RPS6KA2: variants seen among roughly 807,000 people sequenced by gnomAD.
The protein encoded by RPS6KA2 is ribosomal protein S6 kinase alpha-2.
RPS6KA2 carries 42 observed loss-of-function variants against 91.8 expected under a neutral mutation model. The observed-to-expected ratio is 0.46, with a 90% CI of 0.36 to 0.59. The LOEUF (loss-of-function observed/expected upper bound fraction) is 0.59, where lower values mean the gene tolerates loss of function less well. RPS6KA2 is among the 20% of genes least tolerant of loss of function. The pLI is 0.00. For missense variants in RPS6KA2, 798 were observed against 978.5 expected, an observed-to-expected ratio of 0.82 and a Z score of 2.46; for synonymous variants, 414 against 393.6, an observed-to-expected ratio of 1.05 and a Z score of -0.61.
intron 2 of RPS6KA2, among the ~76,000 whole-genome samples, chr6:166,647,604 C>G (rs1057448155): frequency 6.6e-6 from 1 of 152,238 alleles, no homozygotes; most frequent in Non-Finnish European, 1.5e-5. Flanking sequence ...CGCTCCCTAA[C>G]AGGAACTCTT....
intron 2 of RPS6KA2, among the ~76,000 whole-genome samples, chr6:166,736,303 C>A (rs961150632): frequency 2.6e-5 from 4 of 152,222 alleles, no homozygotes; most frequent in African/African-American, 9.6e-5. Flanking sequence ...AAGCAGTGAT[C>A]TCCACTGAGA....
chr6:166,677,067 T>C (rs545970650), intron 2 of RPS6KA2, among the ~76,000 whole-genome samples: 1 of 152,310 alleles, frequency 6.6e-6, no homozygotes, highest in South Asian at 2.1e-4. Context: ...TTCTACCAAA[T>C]TTAGGTGAAT....
intron 1 of RPS6KA2, among the ~76,000 whole-genome samples, chr6:166,542,120 A>G (rs1010356280): frequency 6.6e-6 from 1 of 152,160 alleles, no homozygotes; most frequent in African/African-American, 2.4e-5. Context: ...TGTTCCATGG[A>G]CTCGGCGCGC....
chr6:166,451,364 TGGC>T, intron 12 of RPS6KA2, 131 bp from the exon 13 acceptor site: 3 of 864,868 alleles, frequency 3.5e-6, no homozygotes, highest in South Asian at 1.7e-5. Context: ...TGTGTGCACG[TGGC>T]GTATGCCTGT....
Position 166,448,799 on chromosome 6 carries a change from C to T in RPS6KA2, c.1257G>A (p.Glu419=). The T allele has an allele frequency of 6.2e-7, 1 of 1,613,926 alleles. No individual in the cohort carries two copies. The highest frequency in any genetic ancestry group is 1.3e-5 in the African/African-American group (1 of 74,966). The change falls in exon 14 of 21, where the codon GAG becomes GAA. Residue 419 remains glutamate (E), a synonymous_variant. Coordinates refer to ENST00000265678, the MANE Select transcript of RPS6KA2 (RefSeq NM_021135.6). This position sits in a 1 kb window ranked among gnomAD's most constrained non-coding sequence, Gnocchi z 4.7. ...CTGAGTAGGAGCCCACCCCGATGTC[C>T]TCCTTGATCTCGTAGCCATCGGTGA... ...IHFTDGYEIK[E]DIGVGSYSVC...
intron 14 of RPS6KA2, among the ~76,000 whole-genome samples, chr6:166,444,100 G>C (rs1372811442): frequency 6.6e-6 from 1 of 152,078 alleles, no homozygotes; most frequent in Non-Finnish European, 1.5e-5. Flanking sequence ...ATTATGTTAA[G>C]CAACAAAGTC....
rs1406081301 is a variant in RPS6KA2 at position 166,726,898 on chromosome 6, G to T, written c.123+131302C>A. ...CCAGGCCTGGAATCTACCGTCCTGG[G>T]TGCTGTCTCCTCCACCACGTAAGCC... On this transcript the variant is annotated intron_variant, in intron 2 of 21. Transcript: ENST00000503859. This position sits in a 1 kb window ranked among gnomAD's most constrained non-coding sequence, Gnocchi z 4.4. 6.6e-6 allele frequency among the ~76,000 whole-genome samples: 1 copy of T among 152,162 alleles called. No individual in the cohort carries two copies. Among genetic ancestry groups the T allele is most frequent in the African/African-American group, 2.4e-5 (1 of 41,426 alleles).
intron 1 of RPS6KA2, among the ~76,000 whole-genome samples, chr6:166,859,572 A>T (rs1780996670): frequency 6.6e-6 from 1 of 152,200 alleles, no homozygotes; most frequent in Admixed American, 6.5e-5. Context: ...TTTATGGGTT[A>T]ATTATATATC....
chr6:166,709,014 G>A (rs1789771473), intron 2 of RPS6KA2, among the ~76,000 whole-genome samples: 2 of 152,292 alleles, frequency 1.3e-5, no homozygotes, highest in East Asian at 1.9e-4. Context: ...GAGAAACAAG[G>A]AAGAGGTGTG....
At chr6:166,474,330 G>C (rs1017627029) in intron 10 of RPS6KA2, among the ~76,000 whole-genome samples, 1 of 152,200 alleles carries the variant, frequency 6.6e-6, no homozygotes, top group Non-Finnish European at 1.5e-5. Context: ...ACCTCTGCCC[G>C]TGCGTCAGCC....
chr6:166,484,044 C>A (rs970554711), intron 10 of RPS6KA2, among the ~76,000 whole-genome samples: 6 of 152,222 alleles, frequency 3.9e-5, no homozygotes, highest in Non-Finnish European at 8.8e-5. Flanking sequence ...TCTGAGCAGG[C>A]ACTGCGGGGG....
At chr6:166,774,451 C>T (rs931420984) in intron 2 of RPS6KA2, among the ~76,000 whole-genome samples, 3 of 152,148 alleles carry the variant, frequency 2.0e-5, no homozygotes, top group Admixed American at 6.5e-5. Context: ...AGCGTCCCGG[C>T]GTTGGTTATT....
intron 10 of RPS6KA2, among the ~76,000 whole-genome samples, chr6:166,478,708 T>C (rs941560589): frequency 6.6e-6 from 1 of 152,196 alleles, no homozygotes; most frequent in Non-Finnish European, 1.5e-5. Context: ...AAGTGTCAGA[T>C]GAGCAGGAAG....
chr6:166,668,492 G>GAA (rs1366317361), intron 2 of RPS6KA2, among the ~76,000 whole-genome samples: 1 of 152,220 alleles, frequency 6.6e-6, no homozygotes, highest in Non-Finnish European at 1.5e-5. Context: ...TTATTTCACA[G>GAA]AAAGTGTTTC....
At chr6:166,699,314 T>C (rs1789442922) in intron 2 of RPS6KA2, among the ~76,000 whole-genome samples, 1 of 152,188 alleles carries the variant, frequency 6.6e-6, no homozygotes, top group Non-Finnish European at 1.5e-5. Flanking sequence ...AGCCATCAGA[T>C]CCTAGTTAAG....
At chr6:166,795,180 G>A (rs1779193211) in intron 2 of RPS6KA2, among the ~76,000 whole-genome samples, 1 of 152,064 alleles carries the variant, frequency 6.6e-6, no homozygotes, top group South Asian at 2.1e-4. Context: ...AGCAAAACCT[G>A]GACCCTCTTT....
chr6:166,646,302 A>C (rs140694831), intron 2 of RPS6KA2, among the ~76,000 whole-genome samples: 2 of 152,074 alleles, frequency 1.3e-5, no homozygotes, highest in East Asian at 3.9e-4. Flanking sequence ...GTAAGTCTAG[A>C]CCCAGGTAGC....
intron 2 of RPS6KA2, among the ~76,000 whole-genome samples, chr6:166,680,429 G>A (rs1304989245): frequency 5.3e-5 from 8 of 152,198 alleles, no homozygotes; most frequent in African/African-American, 1.4e-4. Flanking sequence ...CCAGCCAGGA[G>A]ACCTACCTGC....
intron 5 of RPS6KA2, among the ~76,000 whole-genome samples, chr6:166,507,083 C>G (rs1432911457): frequency 6.6e-6 from 1 of 151,950 alleles, no homozygotes; most frequent in African/African-American, 2.4e-5. Flanking sequence ...AGGTGGCGTG[C>G]GAAGACCACA....
Sources: allele counts gnomAD v4.1 joint callset (sites outside exome capture counted in the v4.1 genomes callset), GRCh38; gene constraint gnomAD v4.1.1; non-coding constraint Gnocchi (gnomAD v3.1); transcripts MANE v1.5; gene names NCBI Gene and HGNC (gene_info 2026-07-23, HGNC 2026-07-21).